The following LGSN variants were observed in gnomAD, a reference collection of about 807,000 sequenced individuals.
LGSN encodes the protein lengsin.
A neutral mutation model predicts 19.5 loss-of-function variants in LGSN; 21 were observed. The ratio of observed to expected loss-of-function variants is 1.07; its 90% confidence interval spans 0.76 to 1.55. LGSN has a LOEUF of 1.55. Ranked by LOEUF, LGSN falls within the 40% of genes most tolerant of loss-of-function variation. LGSN has a pLI of 0.00. For synonymous variants in LGSN, 257 were observed against 215.6 expected (o/e 1.19, Z -1.68); for missense variants, 673 against 608.5 (o/e 1.11, Z -1.12).
At position 63,278,718 on chromosome 6, in the gene LGSN, C is replaced by G. The variant is rs1377093550; in HGVS notation, c.*1303G>C. 1 of 151,774 alleles carries G rather than the reference C, an allele frequency of 6.6e-6. No homozygotes were observed. Among genetic ancestry groups the G allele is most frequent in the Non-Finnish European group, 1.5e-5 (1 of 68,074 alleles). 9.4% of individuals were successfully genotyped at this position (151,774 alleles called of 1,614,324 possible). The stretch of plus-strand genomic sequence containing the variant: ...CCTCCTGCCTTGGCCTCCCAAAGTG[C>G]TGGGAACTTTCTTCTTATGTATCCA... On this transcript the variant is annotated 3_prime_UTR_variant, in exon 4 of 4. Coordinates refer to ENST00000370657, the MANE Select transcript of LGSN (RefSeq NM_016571.3).
chr6:63,500,757 T>G, the LGSN span, among the ~76,000 whole-genome samples: 5 of 146,122 alleles, frequency 3.4e-5, no homozygotes, highest in Non-Finnish European at 7.5e-5. Context: ...AGACAGAGTC[T>G]CACTCTGTCA....
the LGSN span, among the ~76,000 whole-genome samples, chr6:63,347,091 T>C: frequency 6.6e-6 from 1 of 152,154 alleles, no homozygotes; most frequent in Admixed American, 6.5e-5. Context: ...GATTGGAAGC[T>C]CTGTGCCACC....
At chr6:63,387,009 G>A in the LGSN span, among the ~76,000 whole-genome samples, 2 of 152,150 alleles carry the variant, frequency 1.3e-5, no homozygotes, top group African/African-American at 4.8e-5. Flanking sequence ...GCTGAGGCAG[G>A]AGAATTGCTT....
the LGSN span, among the ~76,000 whole-genome samples, chr6:63,432,213 G>GAAAAT: frequency 4.1e-5 from 4 of 98,414 alleles, no homozygotes; most frequent in Non-Finnish European, 8.5e-5. Flanking sequence ...GAAAAGAAAA[G>GAAAAT]AAAAGAAAAG....
At chr6:63,519,012 G>A in the LGSN span, among the ~76,000 whole-genome samples, 20 of 152,240 alleles carry the variant, frequency 1.3e-4, no homozygotes, top group Admixed American at 8.5e-4. Context: ...TTCACACTAA[G>A]TGAGATAAAT....
the LGSN span, among the ~76,000 whole-genome samples, chr6:63,506,216 A>G: frequency 2.5e-4 from 38 of 150,616 alleles, no homozygotes; most frequent in African/African-American, 9.1e-4. Flanking sequence ...TCTCATGGAA[A>G]GGAGATAAGT....
At chr6:63,437,508 G>C in the LGSN span, among the ~76,000 whole-genome samples, 1 of 152,138 alleles carries the variant, frequency 6.6e-6, no homozygotes. Context: ...TTCTTGAATT[G>C]ACTCTAGTGA....
the LGSN span, among the ~76,000 whole-genome samples, chr6:63,502,562 C>T: frequency 6.6e-6 from 1 of 152,124 alleles, no homozygotes; most frequent in African/African-American, 2.4e-5. Context: ...GAGGGTTATA[C>T]CTGATGATCG....
chr6:63,483,821 C>G, the LGSN span, among the ~76,000 whole-genome samples: 1 of 150,012 alleles, frequency 6.7e-6, no homozygotes, highest in Admixed American at 6.7e-5. Flanking sequence ...TTTTCTTTTT[C>G]TTTTCTTTTT....
At chr6:63,450,633 CA>C in the LGSN span, among the ~76,000 whole-genome samples, 1 of 149,148 alleles carries the variant, frequency 6.7e-6, no homozygotes, top group Non-Finnish European at 1.5e-5. Flanking sequence ...AATAAAAAAG[CA>C]AAAAACAAGA....
At chr6:63,371,277 C>T in the LGSN span, among the ~76,000 whole-genome samples, 1 of 152,196 alleles carries the variant, frequency 6.6e-6, no homozygotes, top group Non-Finnish European at 1.5e-5. Flanking sequence ...GGACCAAGGT[C>T]AGTCCCTGCC....
the LGSN span, among the ~76,000 whole-genome samples, chr6:63,436,894 G>C: frequency 6.6e-6 from 1 of 151,830 alleles, no homozygotes; most frequent in Non-Finnish European, 1.5e-5. Flanking sequence ...AAAAATAGCT[G>C]GGCATGGTGG....
At chr6:63,335,204 A>G in the LGSN span, among the ~76,000 whole-genome samples, 444 of 152,108 alleles carry the variant, frequency 2.9e-3, 3 homozygotes, top group African/African-American at 0.01. Flanking sequence ...TGGTGCTGGG[A>G]AAACTGGATG....
At chr6:63,414,564 T>C in the LGSN span, among the ~76,000 whole-genome samples, 1 of 152,234 alleles carries the variant, frequency 6.6e-6, no homozygotes, top group Non-Finnish European at 1.5e-5. Flanking sequence ...CACAAACTAA[T>C]AAAATTGTAC....
the LGSN span, chr6:63,396,478 T>C: frequency 2.7e-3 from 439 of 162,164 alleles, 1 homozygote; most frequent in African/African-American, 0.01. Flanking sequence ...TCAGAGGAGG[T>C]GTTCTAGATG....
chr6:63,440,485 G>A, the LGSN span, among the ~76,000 whole-genome samples: 2 of 152,048 alleles, frequency 1.3e-5, no homozygotes, highest in African/African-American at 2.4e-5. Flanking sequence ...TTTCCTGATC[G>A]TGTATTGAGA....
chr6:63,464,649 A>G, the LGSN span, among the ~76,000 whole-genome samples: 1 of 151,804 alleles, frequency 6.6e-6, no homozygotes, highest in Non-Finnish European at 1.5e-5. Context: ...ATGATCAGAG[A>G]AGTGTCCAAT....
the LGSN span, among the ~76,000 whole-genome samples, chr6:63,359,566 G>C: frequency 6.6e-6 from 1 of 152,188 alleles, no homozygotes; most frequent in African/African-American, 2.4e-5. Context: ...TCTTGGGAGA[G>C]TGTATGTGTT....
the LGSN span, among the ~76,000 whole-genome samples, chr6:63,409,588 T>A: frequency 6.6e-6 from 1 of 152,236 alleles, no homozygotes; most frequent in Non-Finnish European, 1.5e-5. Flanking sequence ...AATAGCTGTA[T>A]AATTTAAGAC....
Sources: allele counts gnomAD v4.1 joint callset (sites outside exome capture counted in the v4.1 genomes callset), GRCh38; gene constraint gnomAD v4.1.1; transcripts MANE v1.5; gene names NCBI Gene and HGNC (gene_info 2026-07-23, HGNC 2026-07-21).